RNF6: variants seen among roughly 807,000 people sequenced by gnomAD.
RNF6 encodes ring finger protein 6.
In RNF6, 21 loss-of-function variants were observed where a neutral mutation model predicts 50.1. The ratio of observed to expected loss-of-function variants is 0.42; its 90% confidence interval spans 0.30 to 0.60. The LOEUF (loss-of-function observed/expected upper bound fraction) is 0.60. RNF6 is among the 20% of genes least tolerant of loss of function. The probability of loss-of-function intolerance (pLI) is 0.20; values close to 1 mark genes in which losing one functional copy is unlikely to be tolerated. For synonymous variants in RNF6, 255 were observed against 291.8 expected (o/e 0.87, Z 1.29); for missense variants, 698 against 838.2 (o/e 0.83, Z 2.07).
rs372796979 is a variant in RNF6, at chr13:26,161,817, C to A, written n.769-29366G>T. On this transcript the variant is annotated intron_variant and non_coding_transcript_variant, in intron 5 of 5. Coordinates refer to the RNF6 transcript ENST00000468480. ...ACCTCAACGCACTCTTCCCCCTTTG[C>A]CCTGCCTAGCAGAAAATCCCATTGT... Among the ~76,000 whole-genome samples the A allele has an allele frequency of 5.9e-3, 892 of 152,288 alleles. 4 individuals carry two copies. Among genetic ancestry groups the A allele is most frequent in the African/African-American group, 0.02 (840 of 41,548 alleles).
intron 5 of RNF6, among the ~76,000 whole-genome samples, chr13:26,188,879 T>G (rs969231728): frequency 2.0e-5 from 3 of 151,860 alleles, no homozygotes; most frequent in African/African-American, 7.3e-5. Context: ...CTGCCCACCT[T>G]GGCCTCCCAA....
chr13:26,168,086 A>T (rs1477437323), intron 5 of RNF6, among the ~76,000 whole-genome samples: 2 of 152,182 alleles, frequency 1.3e-5, no homozygotes, highest in African/African-American at 2.4e-5. Flanking sequence ...AGAAAAAAAT[A>T]ATTATTATGT....
chr13:26,162,451 A>T (rs1872258088), intron 5 of RNF6, among the ~76,000 whole-genome samples: 1 of 152,198 alleles, frequency 6.6e-6, no homozygotes, highest in Non-Finnish European at 1.5e-5. Flanking sequence ...ACCTGTCTGT[A>T]AGACACATGA....
At chr13:26,164,237 T>C (rs1311583392) in intron 5 of RNF6, among the ~76,000 whole-genome samples, 1 of 152,220 alleles carries the variant, frequency 6.6e-6, no homozygotes, top group East Asian at 1.9e-4. Context: ...TGGAAAAATT[T>C]TGGCCATTAT....
intron 5 of RNF6, among the ~76,000 whole-genome samples, chr13:26,179,400 G>C (rs1207513667): frequency 6.6e-6 from 1 of 152,194 alleles, no homozygotes; most frequent in Non-Finnish European, 1.5e-5. Flanking sequence ...AGTCTCATCT[G>C]CCTGTACCTC....
intron 5 of RNF6, among the ~76,000 whole-genome samples, chr13:26,176,923 G>A (rs778526205): frequency 6.6e-6 from 1 of 152,218 alleles, no homozygotes; most frequent in Non-Finnish European, 1.5e-5. Context: ...GACAGAGTGA[G>A]ACTCGGTCTC....
chr13:26,139,310 T>C (rs1025453992), intron 5 of RNF6, among the ~76,000 whole-genome samples: 14 of 152,306 alleles, frequency 9.2e-5, no homozygotes, highest in African/African-American at 3.4e-4. Flanking sequence ...ATTCCTAAGC[T>C]GTTTCCTCTG....
intron 5 of RNF6, among the ~76,000 whole-genome samples, chr13:26,132,648 A>G (rs1358115758): frequency 6.6e-6 from 1 of 152,248 alleles, no homozygotes; most frequent in Admixed American, 6.5e-5. Context: ...GCATTTTGCA[A>G]ATAACTTTAA....
intron 5 of RNF6, among the ~76,000 whole-genome samples, chr13:26,171,335 A>G (rs958295662): frequency 2.9e-4 from 44 of 152,346 alleles, no homozygotes; most frequent in African/African-American, 1.0e-3. Context: ...AATCAAAACC[A>G]CAGTAAAATA....
At chr13:26,167,752 C>T (rs56750324) in intron 5 of RNF6, among the ~76,000 whole-genome samples, 1,772 of 152,258 alleles carry the variant, frequency 0.012, 30 homozygotes, top group African/African-American at 0.039. Context: ...TGCACACATA[C>T]GCTCATTGCA....
At chr13:26,185,124 G>C (rs1381759784) in intron 5 of RNF6, among the ~76,000 whole-genome samples, 8 of 151,932 alleles carry the variant, frequency 5.3e-5, no homozygotes, top group Admixed American at 2.0e-4. Context: ...AGCCTCCCAA[G>C]CAGCTGGGAC....
intron 5 of RNF6, among the ~76,000 whole-genome samples, chr13:26,170,272 C>T (rs551181320): frequency 6.7e-6 from 1 of 150,334 alleles, no homozygotes; most frequent in East Asian, 1.9e-4. Context: ...AGTCAAGATC[C>T]TAACTATTAT....
chr13:26,196,856 AACTG>A (rs1336458086), intron 5 of RNF6, among the ~76,000 whole-genome samples: 1 of 151,934 alleles, frequency 6.6e-6, no homozygotes, highest in Non-Finnish European at 1.5e-5. Flanking sequence ...CTTAAATGAA[AACTG>A]ATTGTGAAAA....
intron 4 of RNF6, among the ~76,000 whole-genome samples, chr13:26,217,529 T>C (rs1329025528): frequency 6.6e-6 from 1 of 152,214 alleles, no homozygotes; most frequent in East Asian, 1.9e-4. Flanking sequence ...CTCACGCTAG[T>C]GCGTGGACCT....
At chr13:26,146,654 C>T (rs753030679) in intron 5 of RNF6, among the ~76,000 whole-genome samples, 15 of 152,174 alleles carry the variant, frequency 9.9e-5, no homozygotes, top group Admixed American at 2.0e-4. Flanking sequence ...GCAACTCTGA[C>T]GCTTCTACCT....
intron 5 of RNF6, among the ~76,000 whole-genome samples, chr13:26,172,985 G>C (rs1872774782): frequency 6.6e-6 from 1 of 152,092 alleles, no homozygotes; most frequent in South Asian, 2.1e-4. Context: ...ATATGAATGG[G>C]TAATTTAGAG....
chr13:26,158,687 G>T lies in RNF6; in HGVS notation n.769-26236C>A, dbSNP rs115565593. On this transcript the variant is annotated intron_variant and non_coding_transcript_variant, in intron 5 of 5. Transcript: ENST00000468480. ...CAATAGAATCCCATTACATAAAATT[G>T]TATATCTATGTCTCAGTAGGTGAAT... is the stretch of plus-strand genomic sequence containing the variant. Among the ~76,000 whole-genome samples, 1,184 of 152,176 alleles carry T rather than the reference G, an allele frequency of 7.8e-3. 19 individuals are homozygous for T. Among genetic ancestry groups the T allele is most frequent in the African/African-American group, 0.027 (1,109 of 41,502 alleles).
intron 5 of RNF6, among the ~76,000 whole-genome samples, chr13:26,133,870 T>G (rs1050493588): frequency 8.5e-5 from 13 of 152,216 alleles, no homozygotes; most frequent in African/African-American, 2.4e-4. Context: ...TTCATTCAGT[T>G]TAAGATCTTC....
chr13:26,143,220 C>T (rs968940225), intron 5 of RNF6, among the ~76,000 whole-genome samples: 2 of 152,152 alleles, frequency 1.3e-5, no homozygotes, highest in African/African-American at 4.8e-5. Flanking sequence ...TTCTCACTGA[C>T]CTTAATCATA....
Sources: allele counts gnomAD v4.1 joint callset (sites outside exome capture counted in the v4.1 genomes callset), GRCh38; gene constraint gnomAD v4.1.1; transcripts MANE v1.5; gene names NCBI Gene and HGNC (gene_info 2026-07-23, HGNC 2026-07-21).